The following ACMSD variants were observed in gnomAD, a reference collection of about 807,000 sequenced individuals.
ACMSD encodes the protein 2-amino-3-carboxymuconate-6-semialdehyde decarboxylase.
Under a neutral mutation model 45.9 loss-of-function variants are expected in ACMSD, and 37 were observed. The ratio of observed to expected loss-of-function variants is 0.81; its 90% CI spans 0.62 to 1.06. ACMSD has a LOEUF of 1.06. Among genes scored for constraint, ACMSD ranks in the 50% least tolerant of loss-of-function variants. The pLI is 0.00. For synonymous variants in ACMSD, 138 were observed against 148.8 expected, an observed-to-expected ratio of 0.93 and a Z score of 0.53; for missense variants, 434 against 420.9, an observed-to-expected ratio of 1.03 and a Z score of -0.27.
At chr2:134,859,611 T>C in intron 3 of ACMSD, 1 of 321,724 alleles carries the variant, frequency 3.1e-6, no homozygotes, top group Non-Finnish European at 5.6e-6. Context: ...AAAAATGGCA[T>C]TTTATTATTT....
intron 8 of ACMSD, among the ~76,000 whole-genome samples, chr2:134,884,679 A>T (rs1219447194): frequency 6.6e-6 from 1 of 152,188 alleles, no homozygotes; most frequent in East Asian, 1.9e-4. Context: ...GACTATTATC[A>T]GCAGGTGTAT....
At position 134,841,826 on chromosome 2, in the gene ACMSD, A is replaced by C. The variant is rs950813092; in HGVS notation, c.57+3087A>C. ...CCTTCAATTTGAAAATCATATACTT[A>C]CACCTTCTTTTGTTAGCAATTGCAC... On this transcript the variant is annotated intron_variant, in intron 1 of 9. Transcript: ENST00000356140. 2.1e-4 allele frequency among the ~76,000 whole-genome samples: 32 copies of C among 152,308 alleles called. 1 individual carries two copies. The highest frequency in any genetic ancestry group is 7.7e-4 in the African/African-American group (32 of 41,576).
intron 8 of ACMSD, among the ~76,000 whole-genome samples, chr2:134,883,108 T>C (rs1689134563): frequency 6.6e-6 from 1 of 152,184 alleles, no homozygotes; most frequent in Non-Finnish European, 1.5e-5. Context: ...GTACCTAAAA[T>C]GTCCATCATT....
At chr2:134,871,869 C>T (rs6711390) in intron 7 of ACMSD, among the ~76,000 whole-genome samples, 76,332 of 151,844 alleles carry the variant, frequency 0.5, 20,070 homozygotes, top group Middle Eastern at 0.81. Flanking sequence ...TCAGATAGCC[C>T]CCGACTGATA....
chr2:134,853,125 T>TAC (rs1053324994), intron 2 of ACMSD, among the ~76,000 whole-genome samples: 6 of 134,360 alleles, frequency 4.5e-5, no homozygotes, highest in Non-Finnish European at 7.6e-5. Flanking sequence ...ATCGCACCAC[T>TAC]ACACTCCAGC....
At chr2:134,898,320 A>AAT (rs1456205442) in intron 8 of ACMSD, 21 bp from the exon 9 acceptor site, 1 of 1,501,166 alleles carries the variant, frequency 6.7e-7, no homozygotes, top group Non-Finnish European at 9.0e-7. Context: ...ACAACAGAGA[A>AAT]ATATATATTT....
chr2:134,861,824 T>G (rs917610886), intron 3 of ACMSD, 145 bp from the exon 4 acceptor site: 2 of 802,906 alleles, frequency 2.5e-6, no homozygotes, highest in African/African-American at 1.7e-5. Context: ...CTGAGGGGGG[T>G]CCAGGGAGAG....
intron 3 of ACMSD, among the ~76,000 whole-genome samples, chr2:134,860,926 A>G (rs1687820300): frequency 6.6e-6 from 1 of 151,168 alleles, no homozygotes; most frequent in South Asian, 2.1e-4. Context: ...GCTACTCAGG[A>G]GGCTGAGGTG....
intron 5 of ACMSD, 54 bp from the exon 6 acceptor site, chr2:134,867,525 A>G: frequency 7.2e-7 from 1 of 1,394,946 alleles, no homozygotes; most frequent in Non-Finnish European, 1.0e-6. Context: ...AGTACCTGGT[A>G]TCTGCTCACT....
At chr2:134,840,366 G>A (rs891656649) in intron 1 of ACMSD, among the ~76,000 whole-genome samples, 1 of 151,650 alleles carries the variant, frequency 6.6e-6, no homozygotes, top group Non-Finnish European at 1.5e-5. Context: ...CAAGCTCCAG[G>A]GCATACACCT....
intron 1 of ACMSD, among the ~76,000 whole-genome samples, chr2:134,844,813 T>G (rs1686977017): frequency 6.6e-6 from 1 of 151,650 alleles, no homozygotes; most frequent in African/African-American, 2.4e-5. Flanking sequence ...TGAGTCCCTA[T>G]CCACTAAACT....
At chr2:134,861,927 ATTCTTCT>A (rs1687868805) in intron 3 of ACMSD, 35 bp from the exon 4 acceptor site, 1 of 1,612,212 alleles carries the variant, frequency 6.2e-7, no homozygotes, top group Non-Finnish European at 8.5e-7. Context: ...TGCCCAGCCT[ATTCTTCT>A]CACCAGCTTT....
At chr2:134,870,031 G>C (rs1328921946) in intron 6 of ACMSD, among the ~76,000 whole-genome samples, 2 of 152,222 alleles carry the variant, frequency 1.3e-5, no homozygotes, top group Non-Finnish European at 2.9e-5. Flanking sequence ...GGGTGCCAGG[G>C]GCGTCTCTGC....
chr2:134,885,257 AT>A (rs1559064425), intron 8 of ACMSD, among the ~76,000 whole-genome samples: 1 of 101,974 alleles, frequency 9.8e-6, no homozygotes, highest in African/African-American at 4.4e-5. Flanking sequence ...TTTATATATA[AT>A]ATATATATAA....
intron 6 of ACMSD, among the ~76,000 whole-genome samples, chr2:134,868,278 C>T (rs988006837): frequency 6.6e-6 from 1 of 152,060 alleles, no homozygotes; most frequent in Non-Finnish European, 1.5e-5. Context: ...CATAGTTCCA[C>T]GAAAGGGTAG....
chr2:134,849,949 C>A (rs1194244807), intron 2 of ACMSD, among the ~76,000 whole-genome samples: 1 of 141,038 alleles, frequency 7.1e-6, no homozygotes, highest in Non-Finnish European at 1.5e-5. Flanking sequence ...CTGAGTTCAT[C>A]CCAGGGCCTT....
chr2:134,893,424 G>A lies in ACMSD; in HGVS notation c.850-4917G>A, dbSNP rs1053606165. ...GCTGGTCTTGAACTCCTGAGCTCAA[G>A]TGATCCTCCTGCCTCGCCCTCCTAA... is the stretch of plus-strand genomic sequence containing the variant. On this transcript the variant is annotated intron_variant, in intron 8 of 9. Transcript: ENST00000356140. Among the ~76,000 whole-genome samples the A allele has an allele frequency of 4.6e-4, 70 of 152,228 alleles. 1 individual carries two copies. The highest frequency in any genetic ancestry group is 6.8e-3 in the Middle Eastern group (2 of 294).
At chr2:134,872,678 G>A (rs1688519313) in intron 8 of ACMSD, 37 bp downstream of exon 8, 1 of 1,609,246 alleles carries the variant, frequency 6.2e-7, no homozygotes, top group Non-Finnish European at 8.5e-7. Flanking sequence ...CTTATGGGGA[G>A]CAGAATGCTG....
At chr2:134,885,369 T>TTA (rs1480675959) in intron 8 of ACMSD, among the ~76,000 whole-genome samples, 9 of 101,296 alleles carry the variant, frequency 8.9e-5, no homozygotes, top group Admixed American at 4.5e-4. Flanking sequence ...TACATATATA[T>TTA]TATATATAAT....
Sources: gnomAD v4.1 joint callset for allele counts (sites outside exome capture counted in the v4.1 genomes callset) on GRCh38, gnomAD v4.1.1 for gene constraint, MANE v1.5 for transcripts, NCBI Gene and HGNC (gene_info 2026-07-23, HGNC 2026-07-21) for gene names.